The following CNTN1 variants were observed in gnomAD, a reference collection of about 807,000 sequenced individuals.
CNTN1 encodes contactin 1, also known as contactin-1.
CNTN1 carries 38 observed loss-of-function variants against 126.4 expected under a neutral mutation model. The ratio of observed to expected loss-of-function variants is 0.30; its 90% confidence interval spans 0.23 to 0.39. The LOEUF (loss-of-function observed/expected upper bound fraction) is 0.39. Among genes scored for constraint, CNTN1 ranks in the 10% least tolerant of loss-of-function variants. The pLI, the probability that CNTN1 is intolerant of heterozygous loss-of-function variation, is 1.00. For missense variants in CNTN1, 1,009 were observed against 1,248.4 expected (o/e 0.81, Z 2.89); for synonymous variants, 413 against 422.6 (o/e 0.98, Z 0.28).
chr12:40,786,836 C>T (rs546271706), intron 1 of CNTN1, among the ~76,000 whole-genome samples: 60 of 152,228 alleles, frequency 3.9e-4, no homozygotes, highest in African/African-American at 1.4e-3. Context: ...ATCTCTCTGT[C>T]AATACCTTCC....
intron 14 of CNTN1, among the ~76,000 whole-genome samples, chr12:40,958,083 T>C (rs1946956691): frequency 2.0e-5 from 3 of 152,034 alleles, no homozygotes; most frequent in Admixed American, 6.6e-5. Context: ...ATTTAAAAAT[T>C]GAGTTTTCCA....
chr12:40,805,739 A>G (rs929573588), intron 1 of CNTN1, among the ~76,000 whole-genome samples: 1 of 151,992 alleles, frequency 6.6e-6, no homozygotes, highest in Non-Finnish European at 1.5e-5. Context: ...CATAAATTTG[A>G]ATGCTAAACA....
chr12:40,810,391 G>A (rs1941016059), intron 1 of CNTN1, among the ~76,000 whole-genome samples: 1 of 152,060 alleles, frequency 6.6e-6, no homozygotes, highest in Admixed American at 6.6e-5. Context: ...TTTTTGTGCT[G>A]ACAATACTTA....
intron 1 of CNTN1, among the ~76,000 whole-genome samples, chr12:40,875,550 A>G (rs1943639644): frequency 6.6e-6 from 1 of 152,164 alleles, no homozygotes; most frequent in South Asian, 2.1e-4. Context: ...ATTCCATTAT[A>G]TAGGATTATA....
intron 1 of CNTN1, among the ~76,000 whole-genome samples, chr12:40,905,376 C>G (rs1293572092): frequency 1.3e-5 from 2 of 152,170 alleles, no homozygotes; most frequent in African/African-American, 2.4e-5. Flanking sequence ...AGCAAACTTT[C>G]ACAGAAATTG....
chr12:40,809,863 C>T (rs1006867028), intron 1 of CNTN1, among the ~76,000 whole-genome samples: 4 of 140,614 alleles, frequency 2.8e-5, no homozygotes, highest in Admixed American at 1.4e-4. Context: ...AGTCAAAACT[C>T]ATTTGTAAAT....
intron 1 of CNTN1, among the ~76,000 whole-genome samples, chr12:40,903,145 CCA>C (rs1286319418): frequency 3.9e-5 from 6 of 152,066 alleles, no homozygotes; most frequent in Non-Finnish European, 7.4e-5. Flanking sequence ...TCATGGAGAC[CCA>C]CAGAGCTGCA....
chr12:40,812,004 T>C (rs1255625155), intron 1 of CNTN1, among the ~76,000 whole-genome samples: 5 of 140,210 alleles, frequency 3.6e-5, no homozygotes, highest in African/African-American at 1.2e-4. Context: ...GAGATCTTTC[T>C]TTTTTTTTTA....
At chr12:40,995,592 T>C (rs1948193394) in intron 17 of CNTN1, among the ~76,000 whole-genome samples, 1 of 152,172 alleles carries the variant, frequency 6.6e-6, no homozygotes, top group Non-Finnish European at 1.5e-5. Context: ...TTTTCTCAAA[T>C]GGTATTTTGT....
intron 1 of CNTN1, among the ~76,000 whole-genome samples, chr12:40,809,824 ACACAC>A (rs1244788556): frequency 1.3e-5 from 2 of 150,458 alleles, no homozygotes; most frequent in Non-Finnish European, 3.0e-5. Flanking sequence ...TCACACACAC[ACACAC>A]ACACACACAC....
rs75672016 is a variant in CNTN1, at chr12:40,713,095, G to C, written c.-77+20503G>C. Among the ~76,000 whole-genome samples, 1,023 of 152,220 alleles carry C rather than the reference G, an allele frequency of 6.7e-3. 4 individuals are homozygous for C. Among genetic ancestry groups the C allele is most frequent in the South Asian group, 0.017 (80 of 4,830 alleles). On this transcript the variant is annotated intron_variant, in intron 1 of 23. Transcript: ENST00000551295. ...GCTCATGGTTCTGCAAACTGTGCAA[G>C]AAAAACACCACTAGCTTCTGCTCCT...
At chr12:40,878,802 T>A (rs927010534) in intron 1 of CNTN1, among the ~76,000 whole-genome samples, 2 of 152,200 alleles carry the variant, frequency 1.3e-5, no homozygotes, top group African/African-American at 4.8e-5. Context: ...ATCTCAATAT[T>A]TTGTTTTATG....
intron 1 of CNTN1, among the ~76,000 whole-genome samples, chr12:40,767,393 C>G (rs1301462852): frequency 1.5e-5 from 2 of 136,792 alleles, no homozygotes; most frequent in East Asian, 4.7e-4. Context: ...ACTGCAAGCT[C>G]TGCCTCCCGG....
At chr12:40,953,951 T>A (rs1163062440) in intron 14 of CNTN1, among the ~76,000 whole-genome samples, 1 of 152,108 alleles carries the variant, frequency 6.6e-6, no homozygotes, top group Admixed American at 6.6e-5. Flanking sequence ...TACCACAATA[T>A]GTTTATTTTT....
intron 1 of CNTN1, among the ~76,000 whole-genome samples, chr12:40,788,037 AT>A (rs776942017): frequency 2.0e-5 from 3 of 152,182 alleles, no homozygotes; most frequent in Non-Finnish European, 4.4e-5. Context: ...AAATAAAAAA[AT>A]ACTAGAATTC....
chr12:40,919,683 T>C (rs1945367191), intron 4 of CNTN1, among the ~76,000 whole-genome samples: 1 of 152,170 alleles, frequency 6.6e-6, no homozygotes, highest in African/African-American at 2.4e-5. Flanking sequence ...ATTCTAACAG[T>C]ACTCAGTTTT....
At chr12:40,976,154 A>G (rs1356097252) in intron 15 of CNTN1, among the ~76,000 whole-genome samples, 1 of 152,180 alleles carries the variant, frequency 6.6e-6, no homozygotes, top group Admixed American at 6.6e-5. Context: ...AATGTTAGTG[A>G]GAAAAATGGA....
At chr12:40,887,020 C>G (rs1214487490) in intron 1 of CNTN1, among the ~76,000 whole-genome samples, 1 of 152,148 alleles carries the variant, frequency 6.6e-6, no homozygotes, top group Non-Finnish European at 1.5e-5. Flanking sequence ...TGGCTTTGTT[C>G]TTTTGGCTTA....
chr12:41,046,503 T>C (rs1949542578), intron 23 of CNTN1, among the ~76,000 whole-genome samples: 1 of 152,138 alleles, frequency 6.6e-6, no homozygotes, highest in African/African-American at 2.4e-5. Context: ...TGTTAGTAAC[T>C]TACATTTGGT....
Sources: allele counts gnomAD v4.1 joint callset (sites outside exome capture counted in the v4.1 genomes callset), GRCh38; gene constraint gnomAD v4.1.1; transcripts MANE v1.5; gene names NCBI Gene and HGNC (gene_info 2026-07-23, HGNC 2026-07-21).